Variants in SLC39A11 observed in about 807,000 individuals in gnomAD.
The protein encoded by SLC39A11 is zinc transporter ZIP11.
In SLC39A11, 33 loss-of-function variants were observed where a neutral mutation model predicts 36.1. The ratio of observed to expected loss-of-function variants is 0.91; its 90% CI spans 0.69 to 1.22. The LOEUF is 1.22. SLC39A11 is among the 50% of genes most tolerant of loss of function. SLC39A11 has a pLI of 0.00. For missense variants in SLC39A11, 432 were observed against 430.3 expected (o/e 1.00, Z -0.03); for synonymous variants, 166 against 170.3 (o/e 0.97, Z 0.20).
chr17:72,939,777 A>C (rs977834809), intron 5 of SLC39A11, among the ~76,000 whole-genome samples: 16 of 152,152 alleles, frequency 1.1e-4, no homozygotes, highest in Non-Finnish European at 2.2e-4. Context: ...GGCCTCCAAA[A>C]CTGTAAGGGA....
intron 6 of SLC39A11, among the ~76,000 whole-genome samples, chr17:72,765,219 T>G (rs920744732): frequency 6.6e-6 from 1 of 152,112 alleles, no homozygotes; most frequent in African/African-American, 2.4e-5. Flanking sequence ...TGAGGTGTCT[T>G]TTCTGGTTTT....
At chr17:72,826,905 G>T (rs566402871) in intron 6 of SLC39A11, among the ~76,000 whole-genome samples, 3 of 152,304 alleles carry the variant, frequency 2.0e-5, no homozygotes, top group African/African-American at 7.2e-5. Context: ...TGATAGGAAT[G>T]AAAAATGGTG....
chr17:72,784,145 G>A (rs2076418219), intron 6 of SLC39A11, among the ~76,000 whole-genome samples: 1 of 152,284 alleles, frequency 6.6e-6, no homozygotes, highest in East Asian at 1.9e-4. Context: ...AGGAGTTCGA[G>A]ACCAGCCTGG....
intron 6 of SLC39A11, chr17:72,821,726 T>TGAGAAACTCAGTATCTCCCTCA (rs1482465077): frequency 6.6e-6 from 1 of 151,338 alleles, no homozygotes; most frequent in Non-Finnish European, 1.5e-5. Context: ...TGTTTTCATC[T>TGAGAAACTCAGTATCTCCCTCA]GAGAAACTCA....
chr17:72,966,050 G>C (rs533295667), intron 4 of SLC39A11, among the ~76,000 whole-genome samples: 38 of 152,330 alleles, frequency 2.5e-4, no homozygotes, highest in African/African-American at 8.4e-4. Context: ...ACACCTTGAG[G>C]AAAAGAGCCC....
At chr17:72,766,062 G>A (rs2075747870) in intron 6 of SLC39A11, among the ~76,000 whole-genome samples, 1 of 152,186 alleles carries the variant, frequency 6.6e-6, no homozygotes, top group Non-Finnish European at 1.5e-5. Context: ...TTCAGAGTGA[G>A]AATGATGCCA....
chr17:73,033,388 C>T (rs1162755064), intron 3 of SLC39A11, among the ~76,000 whole-genome samples: 6 of 152,320 alleles, frequency 3.9e-5, no homozygotes, highest in African/African-American at 1.4e-4. Flanking sequence ...AAAAATTAGG[C>T]TAGTCTCAAA....
chr17:72,669,313 C>G (rs2070892519), intron 7 of SLC39A11, among the ~76,000 whole-genome samples: 1 of 152,174 alleles, frequency 6.6e-6, no homozygotes, highest in African/African-American at 2.4e-5. Context: ...CCCTGACATC[C>G]TTTTGCTATT....
chr17:72,978,666 G>A (rs1246645783), intron 4 of SLC39A11, among the ~76,000 whole-genome samples: 1 of 152,146 alleles, frequency 6.6e-6, no homozygotes, highest in East Asian at 1.9e-4. Context: ...GTGGAGGTGA[G>A]GGAGTAAGGG....
At chr17:72,808,464 G>A (rs2077330642) in intron 6 of SLC39A11, among the ~76,000 whole-genome samples, 1 of 152,160 alleles carries the variant, frequency 6.6e-6, no homozygotes, top group African/African-American at 2.4e-5. Context: ...CCTGTTCAGG[G>A]ACTGAAACTG....
At chr17:72,840,283 C>A (rs12940033) in intron 6 of SLC39A11, among the ~76,000 whole-genome samples, 1 of 152,184 alleles carries the variant, frequency 6.6e-6, no homozygotes, top group East Asian at 1.9e-4. Context: ...TAGCAACAAC[C>A]AGCAAAACAA....
intron 7 of SLC39A11, among the ~76,000 whole-genome samples, chr17:72,660,870 C>T (rs1325511308): frequency 6.6e-6 from 1 of 152,198 alleles, no homozygotes; most frequent in African/African-American, 2.4e-5. Context: ...GCTGTGACAA[C>T]CAAAACGTCT....
chr17:72,911,335 G>A (rs933668834), intron 5 of SLC39A11, among the ~76,000 whole-genome samples: 3 of 151,854 alleles, frequency 2.0e-5, no homozygotes, highest in Non-Finnish European at 4.4e-5. Context: ...GTTAATGGGT[G>A]CAGCACACCA....
chr17:72,836,240 T>C (rs963761783), intron 6 of SLC39A11, among the ~76,000 whole-genome samples: 3 of 152,058 alleles, frequency 2.0e-5, no homozygotes, highest in African/African-American at 7.3e-5. Context: ...TGAAAAACAG[T>C]GTGATCCACG....
At chr17:72,877,090 T>C (rs974288600) in intron 5 of SLC39A11, among the ~76,000 whole-genome samples, 4 of 152,198 alleles carry the variant, frequency 2.6e-5, no homozygotes, top group East Asian at 1.9e-4. Context: ...TTAAGCATCA[T>C]CTTATCAAAA....
chr17:72,825,054 T>C (rs761628695), intron 6 of SLC39A11, among the ~76,000 whole-genome samples: 1 of 151,448 alleles, frequency 6.6e-6, no homozygotes, highest in African/African-American at 2.4e-5. Context: ...CGAATGTTAA[T>C]AGCCAAGACA....
At chr17:72,949,997 C>T (rs1007482529) in intron 4 of SLC39A11, among the ~76,000 whole-genome samples, 2 of 138,326 alleles carry the variant, frequency 1.4e-5, no homozygotes, top group East Asian at 4.4e-4. Flanking sequence ...ACACACACAC[C>T]CCTTCTTGTT....
intron 3 of SLC39A11, among the ~76,000 whole-genome samples, chr17:73,039,169 A>G (rs2059025010): frequency 6.6e-6 from 1 of 152,102 alleles, no homozygotes; most frequent in Non-Finnish European, 1.5e-5. Context: ...AAGAATCCTG[A>G]GAGTCAATGC....
chr17:72,652,019 T>C (rs1167685858), intron 7 of SLC39A11, among the ~76,000 whole-genome samples: 1 of 152,226 alleles, frequency 6.6e-6, no homozygotes, highest in Non-Finnish European at 1.5e-5. Context: ...AAACTTTTTC[T>C]GTCATGGGCC....
Sources: allele counts gnomAD v4.1 joint callset (sites outside exome capture counted in the v4.1 genomes callset), GRCh38; gene constraint gnomAD v4.1.1; transcripts MANE v1.5; gene names NCBI Gene and HGNC (gene_info 2026-07-23, HGNC 2026-07-21).